Variants in SNX29 observed in about 807,000 individuals in gnomAD.
The protein encoded by SNX29 is sorting nexin-29.
In SNX29, 78 loss-of-function variants were observed where a neutral mutation model predicts 102.1. The ratio of observed to expected loss-of-function variants is 0.76; its 90% confidence interval spans 0.64 to 0.92. SNX29 has a LOEUF of 0.92. Ranked by LOEUF, SNX29 falls within the 40% of genes least tolerant of loss-of-function variation. SNX29 has a pLI of 0.00. For synonymous variants in SNX29, 580 were observed against 414.5 expected, an observed-to-expected ratio of 1.40 and a Z score of -4.85; for missense variants, 1,280 against 1,061.7, an observed-to-expected ratio of 1.21 and a Z score of -2.86.
At chr16:12,163,265 C>G (rs2055869305) in intron 13 of SNX29, among the ~76,000 whole-genome samples, 1 of 152,178 alleles carries the variant, frequency 6.6e-6, no homozygotes, top group Non-Finnish European at 1.5e-5. Context: ...AAAGGCGGGA[C>G]TGGCCTCCCT....
At chr16:12,295,849 T>C (rs148451426) in intron 15 of SNX29, among the ~76,000 whole-genome samples, 7 of 152,156 alleles carry the variant, frequency 4.6e-5, no homozygotes, top group African/African-American at 1.4e-4. Context: ...ATGAGTCTTA[T>C]AAAAACTTGA....
chr16:12,066,130 C>T (rs1221601692), intron 9 of SNX29, among the ~76,000 whole-genome samples: 1 of 152,122 alleles, frequency 6.6e-6, no homozygotes, highest in East Asian at 1.9e-4. Context: ...TGGGTCCATG[C>T]CTTTGCCCCA....
chr16:12,275,902 T>TTG (rs1491543943), intron 14 of SNX29, among the ~76,000 whole-genome samples: 1,705 of 77,938 alleles, frequency 0.022, 21 homozygotes, highest in African/African-American at 0.079. Context: ...TTTTTTTTTT[T>TTG]GGGGGGCGTG....
intron 18 of SNX29, among the ~76,000 whole-genome samples, chr16:12,455,444 G>A (rs1437180579): frequency 6.6e-6 from 1 of 152,142 alleles, no homozygotes; most frequent in Admixed American, 6.5e-5. Flanking sequence ...CCTCTAGGTG[G>A]CGGTGGCCAC....
intron 15 of SNX29, among the ~76,000 whole-genome samples, chr16:12,354,728 G>A (rs2082083426): frequency 6.6e-6 from 1 of 152,156 alleles, no homozygotes; most frequent in Non-Finnish European, 1.5e-5. Flanking sequence ...GAGGCACAAA[G>A]GCATTATTAG....
At chr16:12,568,131 C>G (rs959750560) in intron 20 of SNX29, among the ~76,000 whole-genome samples, 1 of 152,080 alleles carries the variant, frequency 6.6e-6, no homozygotes, top group African/African-American at 2.4e-5. Context: ...GTAGTGTTCT[C>G]CAAAGTTGCC....
At chr16:12,070,274 C>T (rs1454579552) in intron 10 of SNX29, among the ~76,000 whole-genome samples, 10 of 150,028 alleles carry the variant, frequency 6.7e-5, no homozygotes, top group African/African-American at 2.5e-4. Context: ...TGTGCTGCAC[C>T]CATTAACTCG....
At chr16:12,383,772 CT>C (rs58531196) in intron 16 of SNX29, among the ~76,000 whole-genome samples, 8,562 of 105,882 alleles carry the variant, frequency 0.081, 231 homozygotes, top group African/African-American at 0.14. Flanking sequence ...CGTCAACTTT[CT>C]TTTTTTTTTT....
chr16:12,098,383 T>C lies in SNX29; in HGVS notation c.1402+19468T>C, dbSNP rs1195213920. On this transcript the variant is annotated intron_variant, in intron 11 of 20. Transcript: ENST00000566228. This position sits in a 1 kb window ranked among gnomAD's most constrained non-coding sequence, Gnocchi z 6.0. ...TGCTCCCCGTCCAGGACTCTAACCA[T>C]TGGAGTTCACCTTCTGGAAGAACGT... 2.0e-5 allele frequency among the ~76,000 whole-genome samples: 3 copies of C among 152,206 alleles called. No homozygotes were observed. The highest frequency in any genetic ancestry group is 4.4e-5 in the Non-Finnish European group (3 of 68,042).
intron 15 of SNX29, among the ~76,000 whole-genome samples, chr16:12,283,984 C>T (rs532272986): frequency 6.6e-6 from 1 of 152,316 alleles, no homozygotes; most frequent in African/African-American, 2.4e-5. Flanking sequence ...AGAACAGAAA[C>T]AACCAAGGTT....
At chr16:12,530,043 C>T (rs990898794) in intron 20 of SNX29, among the ~76,000 whole-genome samples, 1 of 152,108 alleles carries the variant, frequency 6.6e-6, no homozygotes, top group Non-Finnish European at 1.5e-5. Context: ...TTTCCATGGG[C>T]AAGTGTGTCC....
chr16:12,150,516 G>GTT (rs1329090827), intron 13 of SNX29, among the ~76,000 whole-genome samples: 4 of 152,226 alleles, frequency 2.6e-5, no homozygotes, highest in Admixed American at 6.5e-5. Context: ...TGCCGCCTTT[G>GTT]TTAACCTGAG....
chr16:11,984,383 A>AAAAAAAAAG (rs71139570), intron 1 of SNX29, among the ~76,000 whole-genome samples: 3 of 145,086 alleles, frequency 2.1e-5, no homozygotes, highest in African/African-American at 7.7e-5. Flanking sequence ...TCAAAAAAAA[A>AAAAAAAAAG]AAAAGAAAAG....
At chr16:12,275,198 G>T (rs1440998847) in intron 14 of SNX29, among the ~76,000 whole-genome samples, 1 of 152,114 alleles carries the variant, frequency 6.6e-6, no homozygotes, top group South Asian at 2.1e-4. Flanking sequence ...ACTACCCCTG[G>T]TCTCCAAAGT....
intron 20 of SNX29, among the ~76,000 whole-genome samples, chr16:12,548,921 C>T (rs2141324359): frequency 6.6e-6 from 1 of 152,344 alleles, no homozygotes; most frequent in Middle Eastern, 3.4e-3. Flanking sequence ...AGGTATTCTT[C>T]AGTACCTGCT....
intron 1 of SNX29, among the ~76,000 whole-genome samples, chr16:11,989,253 G>A (rs749238094): frequency 2.3e-4 from 35 of 152,116 alleles, no homozygotes; most frequent in African/African-American, 8.4e-4. Context: ...GATTACAGAC[G>A]TGAGCCATGA....
chr16:12,524,869 C>A, intron 20 of SNX29, 28 bp downstream of exon 20: 1 of 1,600,878 alleles, frequency 6.2e-7, no homozygotes, highest in African/African-American at 1.3e-5. Flanking sequence ...GGACATGGGC[C>A]GCCAGCCCTG....
intron 20 of SNX29, among the ~76,000 whole-genome samples, chr16:12,565,265 G>A (rs541912747): frequency 6.6e-6 from 1 of 152,162 alleles, no homozygotes; most frequent in Non-Finnish European, 1.5e-5. Flanking sequence ...GTTGCAAGAG[G>A]TTCAGCCTCA....
chr16:12,374,888 T>C (rs1198559171), intron 16 of SNX29: 1 of 152,172 alleles, frequency 6.6e-6, no homozygotes, highest in African/African-American at 2.4e-5. Flanking sequence ...CAGATCCAGT[T>C]GCCTTCTAGT....
Sources: allele counts gnomAD v4.1 joint callset (sites outside exome capture counted in the v4.1 genomes callset), GRCh38; gene constraint gnomAD v4.1.1; non-coding constraint Gnocchi (gnomAD v3.1); transcripts MANE v1.5; gene names NCBI Gene and HGNC (gene_info 2026-07-23, HGNC 2026-07-21).